CCDC169: variants seen among roughly 807,000 people sequenced by gnomAD.
The protein encoded by CCDC169 is coiled-coil domain-containing protein 169.
In CCDC169, 30 loss-of-function variants were observed where a neutral mutation model predicts 36.0. The ratio of observed to expected loss-of-function variants is 0.83; its 90% confidence interval spans 0.62 to 1.13. The LOEUF (loss-of-function observed/expected upper bound fraction) is 1.13, where lower values mean the gene tolerates loss of function less well. Among genes scored for constraint, CCDC169 ranks in the 50% most tolerant of loss-of-function variants. The pLI is 0.00. For missense variants in CCDC169, 245 were observed against 245.9 expected (o/e 1.00, Z 0.03); for synonymous variants, 85 against 81.5 (o/e 1.04, Z -0.23).
intron 4 of CCDC169, among the ~76,000 whole-genome samples, chr13:36,268,544 T>A (rs903783444): frequency 1.3e-5 from 2 of 151,994 alleles, no homozygotes; most frequent in Non-Finnish European, 2.9e-5. Flanking sequence ...ATTGACAACC[T>A]AACGTCATAC....
In CCDC169 at chr13:36,269,107, TA is replaced by T. The variant is rs71300908; in HGVS notation, c.315+14361del. Among the ~76,000 whole-genome samples the T allele has an allele frequency of 8.1e-3, 1,165 of 143,158 alleles. 13 individuals are homozygous for T. Among genetic ancestry groups the T allele is most frequent in the Admixed American group, 0.041 (596 of 14,550 alleles). The allele number at this position is 143,158 out of a possible 152,430, so 93.9% of individuals were successfully genotyped here. A position where few individuals can be genotyped will look rare whatever the true frequency, so the allele number is the denominator to read the frequency against. On this transcript the variant is annotated intron_variant, in intron 4 of 7. Transcript: ENST00000239859. Reference sequence around the variant, plus strand: ...TGAGAGAGCAAGACTCCAACTCAAATAAAAAAAAAAAAATCATTTGAGGCTG... The same window carrying T: ...TGAGAGAGCAAGACTCCAACTCAAATAAAAAAAAAAAATCATTTGAGGCTG...
intron 2 of CCDC169, among the ~76,000 whole-genome samples, chr13:36,291,604 A>C (rs1051574842): frequency 6.6e-6 from 1 of 152,008 alleles, no homozygotes; most frequent in African/African-American, 2.4e-5. Context: ...TAACTGTATC[A>C]CTTCCTCTCT....
chr13:36,285,064 G>A (rs1878001772), intron 2 of CCDC169, among the ~76,000 whole-genome samples: 2 of 152,136 alleles, frequency 1.3e-5, no homozygotes, highest in South Asian at 4.1e-4. Flanking sequence ...GCTACCTAAA[G>A]TCTCCCTTTG....
At chr13:36,248,150 T>C (rs868677440) in intron 7 of CCDC169, among the ~76,000 whole-genome samples, 1 of 152,200 alleles carries the variant, frequency 6.6e-6, no homozygotes, top group Non-Finnish European at 1.5e-5. Flanking sequence ...GACATAATGC[T>C]ATTGCATACT....
At chr13:36,234,600 A>G (rs1870852565) in intron 7 of CCDC169, among the ~76,000 whole-genome samples, 2 of 152,150 alleles carry the variant, frequency 1.3e-5, no homozygotes, top group African/African-American at 4.8e-5. Flanking sequence ...TCACTCTGTA[A>G]AAGGGATCTT....
At chr13:36,227,406 C>T (rs1434762071), downstream of CCDC169, 2 of 1,511,676 alleles carry the variant, frequency 1.3e-6, no homozygotes, top group Admixed American at 2.2e-5. Context: ...GTGAATAGAA[C>T]ATGAATAAGG....
chr13:36,291,129 A>G (rs552715742), intron 2 of CCDC169, among the ~76,000 whole-genome samples: 38 of 152,264 alleles, frequency 2.5e-4, no homozygotes, highest in South Asian at 6.2e-4. Flanking sequence ...CCTTCCCCCA[A>G]TTTGGAGTTT....
intron 4 of CCDC169, among the ~76,000 whole-genome samples, chr13:36,265,310 T>C (rs1485486673): frequency 6.6e-6 from 1 of 152,184 alleles, no homozygotes; most frequent in Non-Finnish European, 1.5e-5. Flanking sequence ...ATTGACAACT[T>C]TCAAGATATA....
At chr13:36,253,085 T>C (rs1372729698) in intron 6 of CCDC169, among the ~76,000 whole-genome samples, 1 of 152,182 alleles carries the variant, frequency 6.6e-6, no homozygotes, top group African/African-American at 2.4e-5. Flanking sequence ...TGAAAATAGA[T>C]GCAACACCTT....
chr13:36,263,895 CAG>C (rs1185056123), intron 4 of CCDC169, among the ~76,000 whole-genome samples: 1 of 152,116 alleles, frequency 6.6e-6, no homozygotes, highest in Non-Finnish European at 1.5e-5. Flanking sequence ...AAGGGATAAT[CAG>C]GGGGTGAGGG....
intron 4 of CCDC169, among the ~76,000 whole-genome samples, chr13:36,265,523 C>A (rs1198400773): frequency 6.6e-6 from 1 of 152,178 alleles, no homozygotes; most frequent in East Asian, 1.9e-4. Context: ...CAGTTTTTCC[C>A]CATAAGACAC....
At chr13:36,297,608 AC>A (rs1879691408) in intron 1 of CCDC169, 28 bp downstream of exon 1, 3 of 1,541,592 alleles carry the variant, frequency 1.9e-6, no homozygotes, top group Non-Finnish European at 1.7e-6. Flanking sequence ...TGTGGACGGG[AC>A]CCCACACCGC....
intron 7 of CCDC169, 53 bp downstream of exon 7, chr13:36,248,553 G>A (rs1375427362): frequency 2.0e-6 from 3 of 1,504,606 alleles, no homozygotes; most frequent in Admixed American, 4.0e-5. Context: ...TTTGTCAGTG[G>A]CATTTATGTG....
chr13:36,285,621 A>AG (rs371268581), intron 2 of CCDC169, among the ~76,000 whole-genome samples: 52 of 127,842 alleles, frequency 4.1e-4, no homozygotes, highest in South Asian at 1.9e-3. Context: ...ATAGATAGAT[A>AG]CATAGATACA....
intron 4 of CCDC169, among the ~76,000 whole-genome samples, chr13:36,267,474 A>G (rs9547038): frequency 0.24 from 36,845 of 152,064 alleles, 4,934 homozygotes; most frequent in East Asian, 0.49. Context: ...AGACCTTGAA[A>G]CAAAAGCCCA....
At chr13:36,272,585 ACTAACTTTT>A (rs1229735629) in intron 4 of CCDC169, among the ~76,000 whole-genome samples, 1 of 151,820 alleles carries the variant, frequency 6.6e-6, no homozygotes, top group Non-Finnish European at 1.5e-5. Flanking sequence ...CAATCAACAC[ACTAACTTTT>A]CTAAAGGGCA....
At chr13:36,240,549 C>G in intron 7 of CCDC169, 5 of 1,100,890 alleles carry the variant, frequency 4.5e-6, no homozygotes, top group Non-Finnish European at 5.9e-6. Flanking sequence ...AAGGATACGC[C>G]CCTAACAATC....
At chr13:36,250,429 G>A (rs1873015377) in intron 6 of CCDC169, among the ~76,000 whole-genome samples, 1 of 152,184 alleles carries the variant, frequency 6.6e-6, no homozygotes, top group Non-Finnish European at 1.5e-5. Flanking sequence ...GAACACTATT[G>A]TATCTGTATT....
chr13:36,261,001 A>G (rs7321429), intron 4 of CCDC169, among the ~76,000 whole-genome samples: 61,660 of 151,974 alleles, frequency 0.41, 13,283 homozygotes, highest in Non-Finnish European at 0.48. Flanking sequence ...CTGACTTGAT[A>G]ACTGGGGATG....
Sources: gnomAD v4.1 joint callset for allele counts (sites outside exome capture counted in the v4.1 genomes callset) on GRCh38, gnomAD v4.1.1 for gene constraint, MANE v1.5 for transcripts, NCBI Gene and HGNC (gene_info 2026-07-23, HGNC 2026-07-21) for gene names.